Variants in MIA2 observed in about 807,000 individuals in gnomAD.
The protein encoded by MIA2 is MIA SH3 domain ER export factor 2.
In MIA2, 127 loss-of-function variants were observed where a neutral mutation model predicts 167.8. The ratio of observed to expected loss-of-function variants is 0.76; its 90% confidence interval spans 0.66 to 0.88. The LOEUF (loss-of-function observed/expected upper bound fraction) is 0.88, where lower values mean the gene tolerates loss of function less well. MIA2 is among the 40% of genes least tolerant of loss of function. The probability of loss-of-function intolerance (pLI) is 0.00; values close to 1 mark genes in which losing one functional copy is unlikely to be tolerated. For synonymous variants in MIA2, 552 were observed against 541.9 expected (o/e 1.02, Z -0.26); for missense variants, 1,690 against 1,624.7 (o/e 1.04, Z -0.69).
At chr14:39,314,386 TA>T (rs11413108) in intron 19 of MIA2, among the ~76,000 whole-genome samples, 28 of 143,966 alleles carry the variant, frequency 1.9e-4, no homozygotes, top group Middle Eastern at 3.5e-3. Context: ...ACACTCTGTT[TA>T]AAAAAAAAAA....
At chr14:39,285,408 G>A (rs1428648702) in intron 9 of MIA2, among the ~76,000 whole-genome samples, 3 of 149,020 alleles carry the variant, frequency 2.0e-5, no homozygotes, top group Admixed American at 6.6e-5. Flanking sequence ...CGGAAGGGGC[G>A]GCTGGCCGGG....
intron 23 of MIA2, among the ~76,000 whole-genome samples, chr14:39,360,171 G>A (rs1014605405): frequency 1.3e-5 from 2 of 152,064 alleles, no homozygotes; most frequent in South Asian, 2.1e-4. Context: ...GCATGGTGGC[G>A]TGTACCTTTA....
At chr14:39,385,797 G>A (rs2075263926) in intron 23 of MIA2, 1 of 882,924 alleles carries the variant, frequency 1.1e-6, no homozygotes, top group Admixed American at 1.7e-5. Flanking sequence ...GTTGCCTCTG[G>A]TTCTCAGTGC....
intron 28 of MIA2, 22 bp from the exon 29 acceptor site, chr14:39,350,075 CT>C: frequency 2.9e-6 from 3 of 1,026,090 alleles, no homozygotes; most frequent in Non-Finnish European, 4.3e-6. Flanking sequence ...TAAAAAATGT[CT>C]TTTACCAATC....
chr14:39,383,279 ACT>A lies in MIA2; in HGVS notation c.2249-3602_2249-3601del, dbSNP rs548900997. Among the ~76,000 whole-genome samples the A allele has an allele frequency of 1.5e-3, 229 of 151,788 alleles. 1 individual carries two copies. Among genetic ancestry groups the A allele is most frequent in the South Asian group, 4.4e-3 (21 of 4,800 alleles). ...TGTGTCTCTGTGTGACACTTTGGTA[ACT>A]CTCATAATATTTTAGACTTTGCATT... On this transcript the variant is annotated intron_variant, in intron 23 of 23. Coordinates refer to the MIA2 transcript ENST00000341502.
intron 16 of MIA2, among the ~76,000 whole-genome samples, chr14:39,304,025 A>C (rs2062933516): frequency 6.6e-6 from 1 of 152,132 alleles, no homozygotes; most frequent in Non-Finnish European, 1.5e-5. Context: ...AATAGAATGA[A>C]AATAGTCACT....
intron 23 of MIA2, chr14:39,386,675 C>T: frequency 1.8e-6 from 2 of 1,119,626 alleles, no homozygotes; most frequent in Non-Finnish European, 2.7e-6. Context: ...CAAAGACCTT[C>T]TCATTATTGT....
intron 23 of MIA2, 52 bp downstream of exon 23, chr14:39,319,343 T>TTTTAA: frequency 1.1e-6 from 1 of 877,298 alleles, no homozygotes; most frequent in Non-Finnish European, 1.7e-6. Context: ...TACATATATA[T>TTTTAA]ATATATTGCA....
chr14:39,313,994 G>A (rs138471422), intron 19 of MIA2, among the ~76,000 whole-genome samples: 2 of 152,264 alleles, frequency 1.3e-5, no homozygotes, highest in African/African-American at 4.8e-5. Context: ...GAGCAAGCTT[G>A]CTTTTTATCC....
At chr14:39,325,460 T>C (rs2067305521) in intron 24 of MIA2, among the ~76,000 whole-genome samples, 1 of 149,422 alleles carries the variant, frequency 6.7e-6, no homozygotes, top group East Asian at 2.0e-4. Flanking sequence ...CTCCTCCTCC[T>C]GAGTTCAAGC....
At chr14:39,326,436 A>T (rs1261425323) in intron 24 of MIA2, among the ~76,000 whole-genome samples, 1 of 152,158 alleles carries the variant, frequency 6.6e-6, no homozygotes, top group African/African-American at 2.4e-5. Context: ...ATGGCTCTTA[A>T]GTTAAACTGA....
At chr14:39,252,689 G>A (rs1308870639) in intron 4 of MIA2, 59 bp from the exon 5 acceptor site, 3 of 1,320,174 alleles carry the variant, frequency 2.3e-6, no homozygotes, top group Non-Finnish European at 3.2e-6. Flanking sequence ...AAAACAAAAG[G>A]GGAGCCCTCA....
intron 15 of MIA2, 125 bp from the exon 16 acceptor site, chr14:39,303,349 ATTCT>A (rs2062827760): frequency 2.9e-6 from 2 of 680,330 alleles, no homozygotes; most frequent in Admixed American, 2.9e-5. Context: ...TTTATACCAA[ATTCT>A]TTATTGTAGC....
downstream of MIA2, among the ~76,000 whole-genome samples, chr14:39,353,103 G>GAGTGTT (rs543511063): frequency 1.8e-3 from 274 of 152,178 alleles, 1 homozygote; most frequent in African/African-American, 6.1e-3. Context: ...AGGTACATGT[G>GAGTGTT]AGTGTTACTT....
intron 6 of MIA2, among the ~76,000 whole-genome samples, chr14:39,257,096 A>T (rs2054850050): frequency 6.6e-6 from 1 of 152,204 alleles, no homozygotes; most frequent in African/African-American, 2.4e-5. Context: ...GATGTCTATT[A>T]GGTCGGCTTG....
At chr14:39,313,208 T>G in intron 18 of MIA2, 132 bp from the exon 19 acceptor site, 1 of 453,456 alleles carries the variant, frequency 2.2e-6, no homozygotes, top group Non-Finnish European at 4.0e-6. Flanking sequence ...TTTTTTTTCC[T>G]TGTAGGTGAT....
intron 23 of MIA2, among the ~76,000 whole-genome samples, chr14:39,371,568 T>A (rs1285301567): frequency 6.6e-6 from 1 of 152,220 alleles, no homozygotes; most frequent in African/African-American, 2.4e-5. Flanking sequence ...AGCAGCTACT[T>A]TTACAGATTT....
chr14:39,295,717 G>A (rs764679732), intron 13 of MIA2, among the ~76,000 whole-genome samples: 10 of 152,036 alleles, frequency 6.6e-5, no homozygotes, highest in Admixed American at 1.3e-4. Context: ...GCGCCTCCAC[G>A]CCCAGCTAAT....
intron 6 of MIA2, among the ~76,000 whole-genome samples, chr14:39,259,338 C>T (rs992765597): frequency 1.3e-5 from 2 of 151,862 alleles, no homozygotes; most frequent in Admixed American, 6.6e-5. Flanking sequence ...CAGTCCAGAC[C>T]GCCCAGCCAA....
Sources: gnomAD v4.1 joint callset for allele counts (sites outside exome capture counted in the v4.1 genomes callset) on GRCh38, gnomAD v4.1.1 for gene constraint, MANE v1.5 for transcripts, NCBI Gene and HGNC (gene_info 2026-07-23, HGNC 2026-07-21) for gene names.